Variants in SH3GL1 observed in about 807,000 individuals in gnomAD.
The protein encoded by SH3GL1 is endophilin-A2.
A neutral mutation model predicts 48.8 loss-of-function variants in SH3GL1; 21 were observed. That is an observed-to-expected ratio of 0.43 (90% confidence interval 0.30 to 0.62). The LOEUF is 0.62. Among genes scored for constraint, SH3GL1 ranks in the 20% least tolerant of loss-of-function variants. The pLI is 0.11. For synonymous variants in SH3GL1, 282 were observed against 217.5 expected (o/e 1.30, Z -2.61); for missense variants, 454 against 503.0 (o/e 0.90, Z 0.93).
At chr19:4,366,461 A>T in intron 3 of SH3GL1, 40 bp downstream of exon 3, 1 of 1,528,398 alleles carries the variant, frequency 6.5e-7, no homozygotes, top group South Asian at 1.1e-5. Context: ...CAGAGGCCAG[A>T]GGGCCTGGGG....
chr19:4,374,343 A>G (rs1346976142), intron 1 of SH3GL1, among the ~76,000 whole-genome samples: 6 of 152,138 alleles, frequency 3.9e-5, no homozygotes, highest in Non-Finnish European at 8.8e-5. Context: ...CGAGAGAGAA[A>G]GGGGACATTC....
intron 1 of SH3GL1, among the ~76,000 whole-genome samples, chr19:4,368,786 C>T (rs916420988): frequency 1.3e-5 from 2 of 152,160 alleles, no homozygotes; most frequent in African/African-American, 2.4e-5. Flanking sequence ...AAAATCCCCT[C>T]GTTGGCCGGG....
intron 1 of SH3GL1, among the ~76,000 whole-genome samples, chr19:4,396,675 A>C (rs1018113178): frequency 6.6e-6 from 1 of 151,950 alleles, no homozygotes; most frequent in Non-Finnish European, 1.5e-5. Context: ...CCAAATCTTC[A>C]AGCAGGGTTT....
intron 1 of SH3GL1, among the ~76,000 whole-genome samples, chr19:4,375,258 T>A (rs1972984528): frequency 6.6e-6 from 1 of 152,084 alleles, no homozygotes; most frequent in Non-Finnish European, 1.5e-5. Flanking sequence ...CTGCCGCCTC[T>A]GGGCAGATGT....
chr19:4,400,332 C>T lies in SH3GL1; in HGVS notation c.37G>A (p.Ala13Thr). The change falls in exon 1 of 10, where the codon GCG (alanine) becomes ACG (threonine). Residue 13 changes from alanine (A) to threonine (T), a missense_variant. This residue lies in a region of SH3GL1 where 176 missense variants were observed against 256.2 expected (regional missense o/e 0.69). Coordinates refer to ENST00000269886, the MANE Select transcript of SH3GL1 (RefSeq NM_003025.4). This position sits in a 1 kb window ranked among gnomAD's most constrained non-coding sequence, Gnocchi z 4.1. ...VAGLKKQFYKASQLVSEKVGG... is the reference protein window; with the variant it reads ...VAGLKKQFYKTSQLVSEKVGG... ...CCTGGGCCTGCGCTCACCTGGCTCG[C>T]CTTGTAGAACTGCTTCTTCAGCCCC... 6.3e-7 allele frequency: 1 copy of T among 1,597,838 alleles called. No homozygotes were observed. The highest frequency in any genetic ancestry group is 8.5e-7 in the Non-Finnish European group (1 of 1,175,366).
intron 1 of SH3GL1, among the ~76,000 whole-genome samples, chr19:4,392,675 C>T (rs937332972): frequency 1.3e-5 from 2 of 151,820 alleles, no homozygotes; most frequent in Admixed American, 6.6e-5. Context: ...GGGCCGGGCA[C>T]GTGGCTCAGG....
rs1213730427 is a variant in SH3GL1, at chr19:4,361,361, G to A, written c.*239C>T. The stretch of plus-strand genomic sequence containing the variant: ...GAGGAGGCTGGCGCCATGGAGTGGG[G>A]AAGGGAGCCGTCACCGTTGGGAGTC... On this transcript the variant is annotated 3_prime_UTR_variant, in exon 10 of 10. Transcript: ENST00000269886. 1 of 536,176 alleles carries A rather than the reference G, an allele frequency of 1.9e-6. No homozygotes were observed. The highest frequency in any genetic ancestry group is 2.4e-5 in the South Asian group (1 of 41,036). The allele number at this position is 536,176 out of a possible 1,614,324, so 33.2% of individuals were successfully genotyped here.
chr19:4,396,839 G>T (rs1973434521), intron 1 of SH3GL1, among the ~76,000 whole-genome samples: 1 of 152,146 alleles, frequency 6.6e-6, no homozygotes, highest in African/African-American at 2.4e-5. Context: ...AAAGGTCCCA[G>T]ACATTGTCAA....
chr19:4,369,966 C>A (rs1274869865), intron 1 of SH3GL1, among the ~76,000 whole-genome samples: 1 of 152,266 alleles, frequency 6.6e-6, no homozygotes, highest in Non-Finnish European at 1.5e-5. Context: ...ACGTGCAGCG[C>A]CGGCCGCAAG....
intron 1 of SH3GL1, among the ~76,000 whole-genome samples, chr19:4,382,428 T>G (rs1276750133): frequency 6.6e-6 from 1 of 151,702 alleles, no homozygotes; most frequent in African/African-American, 2.4e-5. Flanking sequence ...CGGCTAATTT[T>G]TTGTATTTTT....
chr19:4,393,036 T>C (rs1336388132), intron 1 of SH3GL1, among the ~76,000 whole-genome samples: 1 of 152,008 alleles, frequency 6.6e-6, no homozygotes, highest in Non-Finnish European at 1.5e-5. Context: ...GGCAGGAGGA[T>C]CACCACCTGA....
chr19:4,392,088 G>A lies in SH3GL1; in HGVS notation c.45+8236C>T, dbSNP rs1048166369. On this transcript the variant is annotated intron_variant, in intron 1 of 9. Coordinates refer to ENST00000269886, the MANE Select transcript of SH3GL1 (RefSeq NM_003025.4). ...TCAGCCTGCAGCTGCTGGACTCACC[G>A]GCCTTGTCCCGGGCACAGCCTCTGA... is the stretch of plus-strand genomic sequence containing the variant. 2.6e-5 allele frequency among the ~76,000 whole-genome samples: 4 copies of A among 152,270 alleles called. No homozygotes were observed. The East Asian group carries it at 5.8e-4, about 22-fold the overall frequency.
intron 1 of SH3GL1, chr19:4,380,193 C>T (rs1001981291): frequency 6.6e-6 from 1 of 152,536 alleles, no homozygotes; most frequent in African/African-American, 2.4e-5. Flanking sequence ...TTGCTTCTTC[C>T]TACATCCAAA....
intron 1 of SH3GL1, among the ~76,000 whole-genome samples, chr19:4,394,488 C>T (rs2144927092): frequency 6.6e-6 from 1 of 152,288 alleles, no homozygotes; most frequent in African/African-American, 2.4e-5. Flanking sequence ...CTCAGGCCCT[C>T]AACCAGTCTA....
chr19:4,365,182 T>C (rs914198556), intron 4 of SH3GL1, among the ~76,000 whole-genome samples: 9 of 152,070 alleles, frequency 5.9e-5, no homozygotes, highest in Non-Finnish European at 2.9e-5. Context: ...CCAATGCTCC[T>C]AAAAGGGCCT....
chr19:4,367,925 A>G lies in SH3GL1; in HGVS notation c.46-931T>C, dbSNP rs917670600. On this transcript the variant is annotated intron_variant, in intron 1 of 9. Transcript: ENST00000269886. The surrounding 1 kb of genome is among the most constrained non-coding windows in gnomAD (Gnocchi z 4.2). ...CAGTGTGAGGCCCTTCCCAGCACAC[A>G]GCGCTTCATGAAGAGCCGAGTGGCT... Among the ~76,000 whole-genome samples the G allele has an allele frequency of 6.6e-6, 1 of 152,026 alleles. No individual in the cohort carries two copies. The highest frequency in any genetic ancestry group is 2.4e-5 in the African/African-American group (1 of 41,380).
intron 1 of SH3GL1, among the ~76,000 whole-genome samples, chr19:4,369,766 G>A (rs576392464): frequency 6.6e-6 from 1 of 152,210 alleles, no homozygotes; most frequent in Non-Finnish European, 1.5e-5. Flanking sequence ...CTAACTACCC[G>A]GGTCCCTCTG....
chr19:4,380,830 G>T (rs149977887), intron 1 of SH3GL1, among the ~76,000 whole-genome samples: 1 of 152,176 alleles, frequency 6.6e-6, no homozygotes, highest in Non-Finnish European at 1.5e-5. Context: ...CACCAAGGTG[G>T]GATTCCAGAG....
At chr19:4,380,372 G>A (rs937888126) in intron 1 of SH3GL1, 4 of 152,574 alleles carry the variant, frequency 2.6e-5, no homozygotes, top group African/African-American at 9.6e-5. Context: ...CAGCGGGGAG[G>A]GGCCGCTTCC....
Sources: allele counts gnomAD v4.1 joint callset (sites outside exome capture counted in the v4.1 genomes callset), GRCh38; gene constraint gnomAD v4.1.1; regional missense constraint gnomAD v4.1.1; non-coding constraint Gnocchi (gnomAD v3.1); transcripts MANE v1.5; gene names NCBI Gene and HGNC (gene_info 2026-07-23, HGNC 2026-07-21).